The following RIT2 variants were observed in gnomAD, a reference collection of about 807,000 sequenced individuals.
RIT2 encodes the protein Ras like without CAAX 2.
In RIT2, 24 loss-of-function variants were observed where a neutral mutation model predicts 23.7. The observed-to-expected ratio is 1.01, with a 90% CI of 0.73 to 1.43. The LOEUF (loss-of-function observed/expected upper bound fraction) is 1.43, where lower values mean the gene tolerates loss of function less well. RIT2 is among the 40% of genes most tolerant of loss of function. The pLI, the probability that RIT2 is intolerant of heterozygous loss-of-function variation, is 0.00. For missense variants in RIT2, 236 were observed against 266.9 expected (o/e 0.88, Z 0.81); for synonymous variants, 107 against 91.1 (o/e 1.17, Z -0.99).
At chr18:43,036,563 G>A (rs1445993533) in intron 1 of RIT2, among the ~76,000 whole-genome samples, 1 of 150,302 alleles carries the variant, frequency 6.7e-6, no homozygotes, top group African/African-American at 2.5e-5. Flanking sequence ...CCGCCAGCCT[G>A]CCCCGCAAAA....
chr18:43,067,951 G>A (rs774225261), intron 1 of RIT2, among the ~76,000 whole-genome samples: 1 of 152,102 alleles, frequency 6.6e-6, no homozygotes, highest in African/African-American at 2.4e-5. Flanking sequence ...TACTGAGAGA[G>A]AAAATAATTA....
At chr18:42,955,537 T>C (rs1909951350) in intron 3 of RIT2, among the ~76,000 whole-genome samples, 1 of 152,188 alleles carries the variant, frequency 6.6e-6, no homozygotes, top group Non-Finnish European at 1.5e-5. Context: ...TCTGACGTTT[T>C]ATGATTTCAT....
intron 4 of RIT2, among the ~76,000 whole-genome samples, chr18:42,810,027 A>G (rs1023641074): frequency 2.7e-5 from 4 of 146,592 alleles, no homozygotes; most frequent in African/African-American, 9.9e-5. Context: ...TGTTACATAT[A>G]TGTATATATA....
rs114726943 is a variant in RIT2 at position 43,010,507 on chromosome 18, A to G, written c.160+23304T>C. On this transcript the variant is annotated intron_variant, in intron 2 of 4. Transcript: ENST00000326695. ...TCATGCATAATCTAGAAAGAAAATG[A>G]TTGTATTTCTTCTGCAACAATTTTG... 6.0e-3 allele frequency among the ~76,000 whole-genome samples: 911 copies of G among 151,938 alleles called. 5 individuals carry two copies. The highest frequency in any genetic ancestry group is 0.021 in the African/African-American group (855 of 41,490).
chr18:42,769,656 C>T (rs1913502811), intron 4 of RIT2, among the ~76,000 whole-genome samples: 1 of 151,874 alleles, frequency 6.6e-6, no homozygotes, highest in Non-Finnish European at 1.5e-5. Flanking sequence ...ATCACTTTCT[C>T]TTTCCATCTC....
intron 3 of RIT2, among the ~76,000 whole-genome samples, chr18:42,956,374 C>T (rs1029578188): frequency 2.6e-5 from 4 of 152,256 alleles, no homozygotes; most frequent in East Asian, 3.9e-4. Context: ...TCCTCCTTTG[C>T]TGTCATTCTG....
rs397932968 is a variant in RIT2, at chr18:42,952,946, G to GTT, written c.234+21126_234+21127dup. Among the ~76,000 whole-genome samples, 511 of 143,740 alleles carry GTT rather than the reference G, an allele frequency of 3.6e-3. 1 individual carries two copies. The highest frequency in any genetic ancestry group is 0.012 in the African/African-American group (480 of 39,504). 94.3% of individuals were successfully genotyped at this position (143,740 alleles called of 152,430 possible). A position where few individuals can be genotyped will look rare whatever the true frequency, so the allele number is the denominator to read the frequency against. ...CTTTACAGTTTTATACTCCTGAGGT[G>GTT]TTTTTTTTTTTCACACTATACCATC... On this transcript the variant is annotated intron_variant, in intron 3 of 4. Transcript: ENST00000326695.
At chr18:42,946,216 T>G (rs1294898608) in intron 3 of RIT2, among the ~76,000 whole-genome samples, 1 of 152,114 alleles carries the variant, frequency 6.6e-6, no homozygotes. Context: ...GCACTTGTAA[T>G]AATCTCTTAA....
intron 2 of RIT2, among the ~76,000 whole-genome samples, chr18:42,990,918 T>TG (rs1555650897): frequency 2.5e-4 from 38 of 150,284 alleles, no homozygotes; most frequent in African/African-American, 4.4e-4. Context: ...TTTTGTTTTT[T>TG]TTTTTTTTTT....
At chr18:42,951,289 C>T (rs2144172995) in intron 3 of RIT2, among the ~76,000 whole-genome samples, 1 of 152,044 alleles carries the variant, frequency 6.6e-6, no homozygotes, top group South Asian at 2.1e-4. Flanking sequence ...AAAAAGGGTG[C>T]AGCTGGAGGC....
intron 2 of RIT2, among the ~76,000 whole-genome samples, chr18:43,006,671 A>C: frequency 6.6e-6 from 1 of 151,622 alleles, no homozygotes; most frequent in East Asian, 1.9e-4. Context: ...ATAAACTAAA[A>C]AAATAAAAAA....
At chr18:43,101,695 G>A (rs542614564) in intron 1 of RIT2, among the ~76,000 whole-genome samples, 1 of 152,232 alleles carries the variant, frequency 6.6e-6, no homozygotes, top group Admixed American at 6.5e-5. Context: ...AATAAGCTAA[G>A]AATGGCAGAC....
At chr18:43,047,029 T>C (rs1410581540) in intron 1 of RIT2, among the ~76,000 whole-genome samples, 1 of 152,136 alleles carries the variant, frequency 6.6e-6, no homozygotes, top group Admixed American at 6.6e-5. Context: ...AAAAAAGCTA[T>C]AATTACTCAC....
chr18:42,959,274 A>G (rs564707928), intron 3 of RIT2, among the ~76,000 whole-genome samples: 1 of 152,324 alleles, frequency 6.6e-6, no homozygotes, highest in Non-Finnish European at 1.5e-5. Context: ...AGAGCTAAAA[A>G]CTGTAAGGAC....
intron 4 of RIT2, among the ~76,000 whole-genome samples, chr18:42,788,811 T>C (rs1683916238): frequency 6.6e-6 from 1 of 152,146 alleles, no homozygotes; most frequent in South Asian, 2.1e-4. Flanking sequence ...TTGGTTATTA[T>C]AAATAAAAAG....
At chr18:43,009,674 C>A (rs1288531567) in intron 2 of RIT2, among the ~76,000 whole-genome samples, 1 of 151,778 alleles carries the variant, frequency 6.6e-6, no homozygotes, top group Non-Finnish European at 1.5e-5. Context: ...TTTAACCAGA[C>A]TAAATCTTAT....
intron 4 of RIT2, among the ~76,000 whole-genome samples, chr18:42,833,947 G>A (rs934198142): frequency 1.3e-4 from 20 of 152,128 alleles, no homozygotes; most frequent in African/African-American, 4.6e-4. Flanking sequence ...ACATTATGTT[G>A]TTGTTATTGT....
intron 1 of RIT2, among the ~76,000 whole-genome samples, chr18:43,103,367 T>A (rs1913733230): frequency 2.0e-5 from 3 of 152,164 alleles, no homozygotes; most frequent in Admixed American, 1.3e-4. Context: ...CAATATAAAA[T>A]CTATTTCCTA....
intron 1 of RIT2, among the ~76,000 whole-genome samples, chr18:43,109,663 C>A (rs1913907478): frequency 6.6e-6 from 1 of 152,102 alleles, no homozygotes; most frequent in South Asian, 2.1e-4. Context: ...ACATCAGAAG[C>A]CTAATATAAA....
Sources: allele counts gnomAD v4.1 joint callset (sites outside exome capture counted in the v4.1 genomes callset), GRCh38; gene constraint gnomAD v4.1.1; transcripts MANE v1.5; gene names NCBI Gene and HGNC (gene_info 2026-07-23, HGNC 2026-07-21).